DBNL: variants seen among roughly 807,000 people sequenced by gnomAD.
DBNL encodes drebrin-like protein.
Under a neutral mutation model 62.2 loss-of-function variants are expected in DBNL, and 35 were observed. That is an observed-to-expected ratio of 0.56 (90% CI 0.43 to 0.75). The LOEUF is 0.75. Among genes scored for constraint, DBNL ranks in the 30% least tolerant of loss-of-function variants. The pLI is 0.00. For synonymous variants in DBNL, 197 were observed against 218.0 expected (o/e 0.90, Z 0.85); for missense variants, 495 against 578.4 (o/e 0.86, Z 1.48).
chr7:44,064,762 T>G lies in DBNL; in HGVS notation c.*3846T>G. On this transcript the variant is annotated 3_prime_UTR_variant, in exon 13 of 13. Transcript: ENST00000448521. Reference sequence around the variant, plus strand: ...AAGCCTGGTCCATGGGCGAGAGACTTTGCTGAGATGAGAAGCCAGCTGGGG... The same window carrying G: ...AAGCCTGGTCCATGGGCGAGAGACTGTGCTGAGATGAGAAGCCAGCTGGGG... 7.3e-7 allele frequency: 1 copy of G among 1,369,124 alleles called. No individual in the cohort carries two copies. 84.8% of individuals were successfully genotyped at this position (1,369,124 alleles called of 1,614,324 possible).
At chr7:44,049,454 G>A (rs547023694) in intron 1 of DBNL, among the ~76,000 whole-genome samples, 38 of 152,298 alleles carry the variant, frequency 2.5e-4, no homozygotes, top group Middle Eastern at 6.8e-3. Context: ...GAGCCACTGC[G>A]CCCAGCCCAA....
In DBNL at chr7:44,065,042, C is replaced by G; in HGVS notation, c.*4126C>G. 6.2e-7 allele frequency: 1 copy of G among 1,608,236 alleles called. No homozygotes were observed. The highest frequency in any genetic ancestry group is 8.5e-7 in the Non-Finnish European group (1 of 1,179,664). ...GGGACACAGGCACGCTGCTTTCCCTCCCAAGCCAGTGGGCCCCCACCCGAC... is the reference window on the plus strand; with the variant it reads ...GGGACACAGGCACGCTGCTTTCCCTGCCAAGCCAGTGGGCCCCCACCCGAC... On this transcript the variant is annotated 3_prime_UTR_variant, in exon 13 of 13. Transcript: ENST00000448521.
chr7:44,045,073 CT>C (rs1303369806), intron 1 of DBNL, among the ~76,000 whole-genome samples: 1 of 152,242 alleles, frequency 6.6e-6, no homozygotes, highest in African/African-American at 2.4e-5. Context: ...GCCCCTCCCC[CT>C]GTCGCTCGCC....
chr7:44,045,517 T>C (rs2128788052), intron 1 of DBNL, among the ~76,000 whole-genome samples: 1 of 152,366 alleles, frequency 6.6e-6, no homozygotes, highest in Non-Finnish European at 1.5e-5. Flanking sequence ...TCCTCTTTGC[T>C]TAAATTGTTT....
chr7:44,065,653 G>A lies in DBNL; in HGVS notation c.*4737G>A, dbSNP rs1003499099. ...CCAACTGCCAATCAGCATTCCAGGC[G>A]GTGGCAGGTGACCAGTAGCTGAGCT... On this transcript the variant is annotated 3_prime_UTR_variant, in exon 13 of 13. Coordinates refer to ENST00000448521, the MANE Select transcript of DBNL (RefSeq NM_001014436.3). 21 of 932,374 alleles carry A rather than the reference G, an allele frequency of 2.3e-5. No homozygotes were observed. Among genetic ancestry groups the A allele is most frequent in the Middle Eastern group, 3.2e-4 (1 of 3,170 alleles). The allele number at this position is 932,374 out of a possible 1,614,324, so 57.8% of individuals were successfully genotyped here.
intron 2 of DBNL, chr7:44,051,099 G>A (rs994608717): frequency 6.6e-6 from 1 of 152,380 alleles, no homozygotes; most frequent in Non-Finnish European, 1.5e-5. Flanking sequence ...CACAGGACAG[G>A]GCTCTGCCAC....
intron 1 of DBNL, among the ~76,000 whole-genome samples, chr7:44,047,649 C>T (rs2096119718): frequency 6.6e-6 from 1 of 152,186 alleles, no homozygotes. Flanking sequence ...GCAGTAGGCT[C>T]TCAGTACTTA....
chr7:44,053,211 G>C (rs114702981), intron 4 of DBNL, among the ~76,000 whole-genome samples: 1,526 of 152,318 alleles, frequency 0.01, 36 homozygotes, highest in African/African-American at 0.035. Context: ...GCCGTGAGAA[G>C]GGTGGGCCCT....
In DBNL at chr7:44,060,212, G is replaced by A; in HGVS notation, c.1153+59G>A. 1 of 1,491,294 alleles carries A rather than the reference G, an allele frequency of 6.7e-7. No homozygotes were observed. The highest frequency in any genetic ancestry group is 9.2e-7 in the Non-Finnish European group (1 of 1,084,744). 92.4% of individuals were successfully genotyped at this position (1,491,294 alleles called of 1,614,324 possible). A position where few individuals can be genotyped will look rare whatever the true frequency, so the allele number is the denominator to read the frequency against. On this transcript the variant is annotated intron_variant, in intron 12 of 12. Coordinates refer to ENST00000448521, the MANE Select transcript of DBNL (RefSeq NM_001014436.3). This position sits in a 1 kb window ranked among gnomAD's most constrained non-coding sequence, Gnocchi z 6.3. The stretch of plus-strand genomic sequence containing the variant: ...AGGGTCCTGAGGTTAGGAGACAAGA[G>A]GGTCTGGGGTTTTATGGGAAGATGG...
intron 1 of DBNL, among the ~76,000 whole-genome samples, chr7:44,046,730 A>G (rs777908320): frequency 1.3e-5 from 2 of 152,210 alleles, no homozygotes; most frequent in Non-Finnish European, 2.9e-5. Context: ...AGCAGATACT[A>G]TGTGGCAGAT....
rs768897392 is a variant in DBNL at position 44,058,171 on chromosome 7, G to A, written c.595G>A (p.Glu199Lys). 16 of 1,556,206 alleles carry A rather than the reference G, an allele frequency of 1.0e-5. No individual in the cohort carries two copies. Among genetic ancestry groups the A allele is most frequent in the South Asian group, 7.1e-5 (6 of 84,604 alleles). Residue 199 changes from glutamate (E) to lysine (K), a missense_variant, in exon 7 of 13, where the codon GAG becomes AAG. Physicochemically the swap from Glu to Lys is moderately conservative, Grantham distance 56. Coordinates refer to ENST00000448521, the MANE Select transcript of DBNL (RefSeq NM_001014436.3). ...TCGGCTGGAGGAAAAGCGGCGGGCC[G>A]AGGAGGCACAGCGGCAGCTGGAGCA... Reference protein sequence around the residue: ...NRRLEEKRRAEEAQRQLEQER... With the variant: ...NRRLEEKRRAKEAQRQLEQER...
chr7:44,065,342 G>T lies in DBNL; in HGVS notation c.*4426G>T. The stretch of plus-strand genomic sequence containing the variant: ...CAGGATGGCCCAGAGGGTGCGGATG[G>T]CCCGCTTCAGCACTGACGTGTAGCA... On this transcript the variant is annotated 3_prime_UTR_variant, in exon 13 of 13. Coordinates refer to ENST00000448521, the MANE Select transcript of DBNL (RefSeq NM_001014436.3). 6.2e-7 allele frequency: 1 copy of T among 1,613,694 alleles called. No individual in the cohort carries two copies.
chr7:44,050,617 A>G (rs188040310), intron 2 of DBNL: 375 of 267,924 alleles, frequency 1.4e-3, no homozygotes, highest in Non-Finnish European at 2.4e-3. Flanking sequence ...AAGTCCACAG[A>G]CATATCTTCT....
At chr7:44,053,785 T>G (rs1206774233) in intron 4 of DBNL, among the ~76,000 whole-genome samples, 2 of 152,026 alleles carry the variant, frequency 1.3e-5, no homozygotes, top group African/African-American at 4.8e-5. Context: ...CACACCATTC[T>G]TCTGCCTCAG....
At position 44,067,279 on chromosome 7, in the gene DBNL, G is replaced by A. The variant is rs1357557516; in HGVS notation, c.*6363G>A. The A allele has an allele frequency of 6.6e-6, 1 of 152,268 alleles. No homozygotes were observed. The highest frequency in any genetic ancestry group is 1.5e-5 in the Non-Finnish European group (1 of 68,076). 9.4% of individuals were successfully genotyped at this position (152,268 alleles called of 1,614,324 possible). On this transcript the variant is annotated 3_prime_UTR_variant, in exon 13 of 13. Transcript: ENST00000448521. The stretch of plus-strand genomic sequence containing the variant: ...CACATGGCAGAGAGGTGGGCTTTGT[G>A]TCCCAACACAGTGGGAATCACTGGA...
intron 1 of DBNL, among the ~76,000 whole-genome samples, chr7:44,045,164 C>G (rs2096114733): frequency 6.6e-6 from 1 of 152,224 alleles, no homozygotes; most frequent in African/African-American, 2.4e-5. Context: ...TTCTTCTTTC[C>G]AGTCCTGGGA....
rs757345987 is a variant in DBNL at position 44,062,838 on chromosome 7, T to TG, written c.*1925dup. ...GTTTCCTCATCACCCAGGAACTGCA[T>TG]GGGCTTGGTGGGCTTCAGCTCCTTG... is the stretch of plus-strand genomic sequence containing the variant. On this transcript the variant is annotated 3_prime_UTR_variant, in exon 13 of 13. Transcript: ENST00000448521. The TG allele has an allele frequency of 2.1e-5, 34 of 1,614,118 alleles. No homozygotes were observed. In the South Asian group the frequency reaches 3.3e-4, roughly 16 times the overall value.
rs1201989948 is a variant in DBNL, at chr7:44,063,720, A to G, written c.*2804A>G. On this transcript the variant is annotated 3_prime_UTR_variant, in exon 13 of 13. Transcript: ENST00000448521. ...GCCTCCTGCAGCCCCTGAGCTGGGA[A>G]TAGCAGCTCGACCTTTGATGTTCGC... 1 of 153,916 alleles carries G rather than the reference A, an allele frequency of 6.5e-6. No individual in the cohort carries two copies. The highest frequency in any genetic ancestry group is 1.9e-4 in the East Asian group (1 of 5,216). The allele number at this position is 153,916 out of a possible 1,614,324, so 9.5% of individuals were successfully genotyped here. A position where few individuals can be genotyped will look rare whatever the true frequency, so the allele number is the denominator to read the frequency against.
Position 44,064,723 on chromosome 7 carries a change from G to A in DBNL, c.*3807G>A, listed in dbSNP as rs2096155762. The A allele has an allele frequency of 1.0e-6, 1 of 953,508 alleles. No homozygotes were observed. The highest frequency in any genetic ancestry group is 1.6e-6 in the Non-Finnish European group (1 of 619,826). The allele number at this position is 953,508 out of a possible 1,614,324, so 59.1% of individuals were successfully genotyped here. ...CTCCTTTTTCAGTGAATGATGTGGA[G>A]CCCCACGCCTAGAAAGCCTGGTCCA... On this transcript the variant is annotated 3_prime_UTR_variant, in exon 13 of 13. Transcript: ENST00000448521.
Sources: allele counts gnomAD v4.1 joint callset (sites outside exome capture counted in the v4.1 genomes callset), GRCh38; gene constraint gnomAD v4.1.1; non-coding constraint Gnocchi (gnomAD v3.1); transcripts MANE v1.5; gene names NCBI Gene and HGNC (gene_info 2026-07-23, HGNC 2026-07-21).